The following CELF2 variants were observed in gnomAD, a reference collection of about 807,000 sequenced individuals.
CELF2 encodes CUGBP Elav-like family member 2.
A neutral mutation model predicts 62.6 loss-of-function variants in CELF2; 8 were observed. The observed-to-expected ratio is 0.13, with a 90% CI of 0.07 to 0.23. The LOEUF is 0.23. Ranked by LOEUF, CELF2 falls within the 10% of genes least tolerant of loss-of-function variation. CELF2 has a pLI of 1.00. For missense variants in CELF2, 333 were observed against 671.0 expected, an observed-to-expected ratio of 0.50 and a Z score of 5.56; for synonymous variants, 258 against 250.0, an observed-to-expected ratio of 1.03 and a Z score of -0.30.
intron 1 of CELF2, among the ~76,000 whole-genome samples, chr10:11,044,516 C>T (rs546420858): frequency 3.3e-5 from 5 of 152,176 alleles, no homozygotes; most frequent in East Asian, 1.9e-4. Context: ...ACAGTTTCTT[C>T]GTATATAAAT....
intron 1 of CELF2, among the ~76,000 whole-genome samples, chr10:11,094,608 G>A (rs146383199): frequency 1.5e-4 from 23 of 152,312 alleles, no homozygotes; most frequent in African/African-American, 5.3e-4. Context: ...CAAAAGGGAA[G>A]TGAGAGCTGT....
intron 1 of CELF2, among the ~76,000 whole-genome samples, chr10:10,833,267 T>C (rs1027008866): frequency 1.1e-4 from 16 of 152,156 alleles, no homozygotes; most frequent in Admixed American, 1.0e-3. Context: ...AACGAAGCAA[T>C]AGCAGATTCA....
the CELF2 span, among the ~76,000 whole-genome samples, chr10:10,643,270 G>A: frequency 0.13 from 19,439 of 151,796 alleles, 1,554 homozygotes; most frequent in Non-Finnish European, 0.18. Context: ...CATAACCCCC[G>A]TGTATCATGG....
chr10:11,226,242 C>G (rs775839242), intron 3 of CELF2, among the ~76,000 whole-genome samples: 13 of 152,236 alleles, frequency 8.5e-5, no homozygotes, highest in Admixed American at 2.0e-4. Context: ...GAAGCTGAAA[C>G]TCAAAGAAGA....
intron 1 of CELF2, among the ~76,000 whole-genome samples, chr10:11,088,682 T>C (rs1483540958): frequency 6.6e-6 from 1 of 152,198 alleles, no homozygotes; most frequent in Admixed American, 6.5e-5. Flanking sequence ...GGTACTGCTG[T>C]GTAACACATC....
chr10:10,594,263 C>T, the CELF2 span, among the ~76,000 whole-genome samples: 1 of 152,296 alleles, frequency 6.6e-6, no homozygotes, highest in Middle Eastern at 3.4e-3. Flanking sequence ...GGACTATTTG[C>T]TTTCAACTGG....
chr10:11,070,171 T>C (rs1039194108), intron 1 of CELF2, among the ~76,000 whole-genome samples: 1 of 152,142 alleles, frequency 6.6e-6, no homozygotes, highest in African/African-American at 2.4e-5. Flanking sequence ...TTTTTCTTCG[T>C]ATACAGTGGG....
chr10:11,245,929 G>A (rs2075458076), intron 3 of CELF2, among the ~76,000 whole-genome samples: 1 of 152,176 alleles, frequency 6.6e-6, no homozygotes, highest in South Asian at 2.1e-4. Context: ...ATTAAGAGTG[G>A]AGATATTAGA....
At chr10:10,478,930 C>T in the CELF2 span, among the ~76,000 whole-genome samples, 5 of 152,260 alleles carry the variant, frequency 3.3e-5, no homozygotes, top group East Asian at 9.6e-4. Flanking sequence ...TTTGGTATGG[C>T]TTGGTAAAAT....
At chr10:10,788,453 C>CTTTTTTTTTTT in the CELF2 span, among the ~76,000 whole-genome samples, 8 of 95,748 alleles carry the variant, frequency 8.4e-5, 1 homozygote, top group Admixed American at 3.8e-4. Flanking sequence ...TTCTTTCCAT[C>CTTTTTTTTTTT]TTTTTTTTTT....
intron 1 of CELF2, among the ~76,000 whole-genome samples, chr10:11,029,089 G>A (rs1394574317): frequency 6.6e-6 from 1 of 152,152 alleles, no homozygotes; most frequent in Non-Finnish European, 1.5e-5. Context: ...GCCTCATAAG[G>A]TGCTCAGGCC....
chr10:11,257,973 C>G, intron 5 of CELF2, 101 bp downstream of exon 5: 1 of 1,313,118 alleles, frequency 7.6e-7, no homozygotes, highest in Non-Finnish European at 1.1e-6. Context: ...AGAGGTCACC[C>G]TGTAATACAT....
chr10:10,738,682 T>C, the CELF2 span, among the ~76,000 whole-genome samples: 1 of 152,186 alleles, frequency 6.6e-6, no homozygotes, highest in African/African-American at 2.4e-5. Flanking sequence ...TAGAGGGCCA[T>C]CCTACAAAAT....
At chr10:11,230,127 G>A (rs114505887) in intron 3 of CELF2, among the ~76,000 whole-genome samples, 1,551 of 152,242 alleles carry the variant, frequency 0.01, 29 homozygotes, top group African/African-American at 0.035. Context: ...AGTGTTAGAA[G>A]TGCAGCCTTG....
chr10:11,062,709 A>G (rs7082537), intron 1 of CELF2, among the ~76,000 whole-genome samples: 6,995 of 152,306 alleles, frequency 0.046, 189 homozygotes, highest in Non-Finnish European at 0.057. Flanking sequence ...CCTGGTGAAG[A>G]TGTTGTGTAC....
At chr10:11,104,995 A>G (rs1336241264) in intron 1 of CELF2, among the ~76,000 whole-genome samples, 1 of 152,212 alleles carries the variant, frequency 6.6e-6, no homozygotes, top group Non-Finnish European at 1.5e-5. Context: ...CTGTCACAGA[A>G]TGAAGACCCT....
In CELF2 at chr10:10,972,941, G is replaced by A. The variant is rs543417880; in HGVS notation, c.89+52942G>A. Among the ~76,000 whole-genome samples the A allele has an allele frequency of 9.2e-5, 14 of 152,256 alleles. No homozygotes were observed. The South Asian group carries it at 2.9e-3, about 32-fold the overall frequency. On this transcript the variant is annotated intron_variant, in intron 2 of 13. Transcript: ENST00000636488. This position sits in a 1 kb window ranked among gnomAD's most constrained non-coding sequence, Gnocchi z 4.4. ...ACATGATAGATGGAAAGATGTGAAG[G>A]GAGGGTCGAGATGTTTTTAATGGCA...
At chr10:10,969,538 G>C (rs1215794651) in intron 2 of CELF2, among the ~76,000 whole-genome samples, 1 of 152,024 alleles carries the variant, frequency 6.6e-6, no homozygotes, top group Non-Finnish European at 1.5e-5. Context: ...CACATACAAA[G>C]ATACACACAA....
intron 1 of CELF2, among the ~76,000 whole-genome samples, chr10:10,881,460 A>C (rs910530680): frequency 7.2e-5 from 11 of 152,206 alleles, no homozygotes; most frequent in African/African-American, 2.4e-4. Context: ...TGTTAGTAAA[A>C]TATGAGATAC....
Sources: allele counts gnomAD v4.1 joint callset (sites outside exome capture counted in the v4.1 genomes callset), GRCh38; gene constraint gnomAD v4.1.1; non-coding constraint Gnocchi (gnomAD v3.1); transcripts MANE v1.5; gene names NCBI Gene and HGNC (gene_info 2026-07-23, HGNC 2026-07-21).